Variants in FHIT observed in about 807,000 individuals in gnomAD.
FHIT encodes the protein fragile histidine triad diadenosine triphosphatase.
In FHIT, 19 loss-of-function variants were observed where a neutral mutation model predicts 17.9. That is an observed-to-expected ratio of 1.06 (90% CI 0.74 to 1.56). The LOEUF (loss-of-function observed/expected upper bound fraction) is 1.56. FHIT is among the 40% of genes most tolerant of loss of function. The probability of loss-of-function intolerance (pLI) is 0.00; values close to 1 mark genes in which losing one functional copy is unlikely to be tolerated. For missense variants in FHIT, 248 were observed against 189.2 expected, an observed-to-expected ratio of 1.31 and a Z score of -1.82; for synonymous variants, 81 against 69.7, an observed-to-expected ratio of 1.16 and a Z score of -0.81.
At chr3:61,145,293 T>C (rs1457726484) in intron 2 of FHIT, among the ~76,000 whole-genome samples, 1 of 152,124 alleles carries the variant, frequency 6.6e-6, no homozygotes, top group Non-Finnish European at 1.5e-5. Flanking sequence ...TTGAAAAGAC[T>C]AATATTTCTC....
At chr3:60,904,973 T>A (rs1553764160) in intron 3 of FHIT, among the ~76,000 whole-genome samples, 2 of 151,842 alleles carry the variant, frequency 1.3e-5, no homozygotes, top group East Asian at 1.9e-4. Flanking sequence ...AAACCCATTT[T>A]TAGAATAAGA....
At chr3:60,175,224 C>A (rs2107419619) in intron 5 of FHIT, among the ~76,000 whole-genome samples, 1 of 152,318 alleles carries the variant, frequency 6.6e-6, no homozygotes, top group Admixed American at 6.5e-5. Flanking sequence ...ATAACCAGGA[C>A]ACAGTACACT....
At chr3:59,841,278 G>T (rs1310981887) in intron 8 of FHIT, among the ~76,000 whole-genome samples, 1 of 152,310 alleles carries the variant, frequency 6.6e-6, no homozygotes, top group South Asian at 2.1e-4. Context: ...GGTAGGCACA[G>T]ATATGTACCA....
chr3:60,991,974 T>C (rs2030265789), intron 3 of FHIT, among the ~76,000 whole-genome samples: 1 of 152,182 alleles, frequency 6.6e-6, no homozygotes, highest in Non-Finnish European at 1.5e-5. Flanking sequence ...GTCACCTCTT[T>C]AATGTCCTGA....
Position 60,521,806 on chromosome 3 carries a change from T to C in FHIT, c.103+15054A>G, listed in dbSNP as rs115268193. Among the ~76,000 whole-genome samples the C allele has an allele frequency of 7.6e-3, 1,151 of 152,332 alleles. 5 individuals are homozygous for C. The highest frequency in any genetic ancestry group is 0.013 in the Admixed American group (198 of 15,302). The stretch of plus-strand genomic sequence containing the variant: ...CATTTGCAGTTTTGACAAGTACAAA[T>C]GTTTTGTACCCAAAGACAGTAAATG... On this transcript the variant is annotated intron_variant, in intron 5 of 9. Coordinates refer to ENST00000492590, the MANE Select transcript of FHIT (RefSeq NM_002012.4).
At chr3:61,210,329 A>G (rs991808612) in intron 1 of FHIT, among the ~76,000 whole-genome samples, 4 of 152,144 alleles carry the variant, frequency 2.6e-5, no homozygotes, top group Non-Finnish European at 4.4e-5. Flanking sequence ...ACTCTCTTCA[A>G]AGCTGTCAGA....
intron 3 of FHIT, among the ~76,000 whole-genome samples, chr3:60,830,881 G>A (rs1702305073): frequency 6.6e-6 from 1 of 152,010 alleles, no homozygotes; most frequent in Non-Finnish European, 1.5e-5. Context: ...TCTCATCCTT[G>A]TCCTTAGCTT....
At chr3:60,550,785 C>T (rs894234287) in intron 4 of FHIT, among the ~76,000 whole-genome samples, 62 of 152,080 alleles carry the variant, frequency 4.1e-4, no homozygotes, top group African/African-American at 1.4e-3. Context: ...TGCCATATTC[C>T]AAATACTATT....
chr3:61,067,240 G>C (rs777301914), intron 2 of FHIT, among the ~76,000 whole-genome samples: 6 of 152,108 alleles, frequency 3.9e-5, no homozygotes, highest in Non-Finnish European at 8.8e-5. Context: ...GAGTCCCCAA[G>C]ACAATCCTTA....
intron 5 of FHIT, among the ~76,000 whole-genome samples, chr3:60,487,283 A>T (rs1039156907): frequency 5.9e-5 from 9 of 152,174 alleles, no homozygotes; most frequent in African/African-American, 2.2e-4. Flanking sequence ...ATAAGCAAGA[A>T]CACACTGAGC....
At chr3:60,349,537 A>G (rs951823462) in intron 5 of FHIT, among the ~76,000 whole-genome samples, 8 of 152,212 alleles carry the variant, frequency 5.3e-5, no homozygotes, top group African/African-American at 1.9e-4. Context: ...TTTTAAATAT[A>G]TAATTGATAA....
At chr3:60,594,476 G>GC (rs2038195535) in intron 4 of FHIT, among the ~76,000 whole-genome samples, 1 of 152,024 alleles carries the variant, frequency 6.6e-6, no homozygotes, top group Non-Finnish European at 1.5e-5. Context: ...CCCAAGTGTT[G>GC]CCCCCTGCAT....
At chr3:60,041,799 G>A (rs1479570483) in intron 5 of FHIT, among the ~76,000 whole-genome samples, 1 of 152,048 alleles carries the variant, frequency 6.6e-6, no homozygotes, top group African/African-American at 2.4e-5. Context: ...CATTTGTTTT[G>A]GGACAAAGGT....
At chr3:60,292,250 A>G (rs1438998678) in intron 5 of FHIT, among the ~76,000 whole-genome samples, 1 of 152,176 alleles carries the variant, frequency 6.6e-6, no homozygotes, top group Non-Finnish European at 1.5e-5. Flanking sequence ...CACTGTGTTA[A>G]AAAGTCTTTT....
intron 2 of FHIT, among the ~76,000 whole-genome samples, chr3:61,146,980 G>A (rs1434160708): frequency 6.6e-6 from 1 of 151,896 alleles, no homozygotes. Flanking sequence ...ACATTCCTCT[G>A]TAGCACCTTT....
chr3:59,845,751 T>G (rs990426688), intron 8 of FHIT, among the ~76,000 whole-genome samples: 13 of 152,180 alleles, frequency 8.5e-5, no homozygotes, highest in African/African-American at 3.1e-4. Context: ...TGTATGCTGT[T>G]GTTAGGTAGA....
At chr3:60,701,125 T>TC (rs1243519477) in intron 4 of FHIT, among the ~76,000 whole-genome samples, 1 of 144,586 alleles carries the variant, frequency 6.9e-6, no homozygotes, top group African/African-American at 2.5e-5. Flanking sequence ...AAAAGACCCT[T>TC]TTTTTTTTTT....
intron 1 of FHIT, among the ~76,000 whole-genome samples, chr3:61,249,582 T>G (rs1048162176): frequency 2.6e-5 from 4 of 152,206 alleles, no homozygotes; most frequent in Non-Finnish European, 5.9e-5. Context: ...AGTCCTTTTA[T>G]TCACCAGTGT....
chr3:60,501,110 C>A (rs956612476), intron 5 of FHIT, among the ~76,000 whole-genome samples: 1 of 152,164 alleles, frequency 6.6e-6, no homozygotes, highest in African/African-American at 2.4e-5. Flanking sequence ...ACAGGCTAAT[C>A]TGTGAAATTA....
Sources: gnomAD v4.1 joint callset for allele counts (sites outside exome capture counted in the v4.1 genomes callset) on GRCh38, gnomAD v4.1.1 for gene constraint, MANE v1.5 for transcripts, NCBI Gene and HGNC (gene_info 2026-07-23, HGNC 2026-07-21) for gene names.